PCDHGA6: variants seen among roughly 807,000 people sequenced by gnomAD.
PCDHGA6 encodes the protein protocadherin gamma-A6.
PCDHGA6 carries 41 observed loss-of-function variants against 60.6 expected under a neutral mutation model. The ratio of observed to expected loss-of-function variants is 0.68; its 90% CI spans 0.53 to 0.88. The LOEUF (loss-of-function observed/expected upper bound fraction) is 0.88. PCDHGA6 is among the 40% of genes least tolerant of loss of function. PCDHGA6 has a pLI of 0.00. For missense variants in PCDHGA6, 1,312 were observed against 1,203.0 expected, an observed-to-expected ratio of 1.09 and a Z score of -1.34; for synonymous variants, 594 against 524.4, an observed-to-expected ratio of 1.13 and a Z score of -1.81.
At chr5:141,408,329 A>C (rs2095085203) in intron 1 of PCDHGA6, 1 of 1,613,580 alleles carries the variant, frequency 6.2e-7, no homozygotes, top group Non-Finnish European at 8.5e-7. Context: ...GGAGCTGGCC[A>C]AGGGCTCGGT....
intron 1 of PCDHGA6, chr5:141,426,871 A>G (rs887250057): frequency 2.2e-6 from 1 of 456,722 alleles, no homozygotes; most frequent in Non-Finnish European, 4.4e-6. Flanking sequence ...GTGCTGGAGA[A>G]GCCCCTGGGC....
rs371995922 is a variant in PCDHGA6 at position 141,395,132 on chromosome 5, C to T, written c.2424+18625C>T. ...AGAGTCACCTGATCTTTCCCCAGCC[C>T]AACTACGCAGACATGCTCATCAGTC... On this transcript the variant is annotated intron_variant, in intron 1 of 3. Transcript: ENST00000517434. 8.7e-6 allele frequency: 14 copies of T among 1,614,068 alleles called. No homozygotes were observed. The African/African-American group carries it at 1.6e-4, about 18-fold the overall frequency.
intron 1 of PCDHGA6, chr5:141,415,176 C>T: frequency 6.2e-7 from 1 of 1,613,934 alleles, no homozygotes; most frequent in Non-Finnish European, 8.5e-7. Context: ...TCACCGTGGC[C>T]GTGGCCGACA....
chr5:141,412,559 G>C (rs1408913988), intron 1 of PCDHGA6: 2 of 152,100 alleles, frequency 1.3e-5, no homozygotes, highest in African/African-American at 4.8e-5. Context: ...TATCTCATGA[G>C]TTTATTTAAT....
chr5:141,422,226 G>A (rs766346054), intron 1 of PCDHGA6: 1 of 1,565,844 alleles, frequency 6.4e-7, no homozygotes, highest in East Asian at 2.2e-5. Flanking sequence ...CCACCACGAC[G>A]ATGTTGATCA....
At chr5:141,384,795 G>C (rs763067876) in intron 1 of PCDHGA6, 1 of 1,613,482 alleles carries the variant, frequency 6.2e-7, no homozygotes, top group South Asian at 1.1e-5. Context: ...CTCGGGCCCT[G>C]CTGGACAGAG....
chr5:141,417,112 G>T (rs1399534957), intron 1 of PCDHGA6: 3 of 152,030 alleles, frequency 2.0e-5, no homozygotes, highest in African/African-American at 7.3e-5. Flanking sequence ...AGCAATACAG[G>T]ACACCCTGGA....
At chr5:141,472,022 T>C (rs949257396) in intron 1 of PCDHGA6, among the ~76,000 whole-genome samples, 1 of 152,176 alleles carries the variant, frequency 6.6e-6, no homozygotes, top group Non-Finnish European at 1.5e-5. Flanking sequence ...CTATATTGTA[T>C]GTAGAAAGCT....
chr5:141,398,367 G>A, intron 1 of PCDHGA6: 1 of 1,430,476 alleles, frequency 7.0e-7, no homozygotes, highest in Non-Finnish European at 9.7e-7. Context: ...TGAGCGCAGA[G>A]AGCGGGGAGT....
chr5:141,403,592 G>A (rs779516418), intron 1 of PCDHGA6: 1 of 1,613,850 alleles, frequency 6.2e-7, no homozygotes, highest in Non-Finnish European at 8.5e-7. Flanking sequence ...GGTCCTCACG[G>A]CCTCGGATGG....
chr5:141,384,606 A>G (rs770325322), intron 1 of PCDHGA6: 1 of 1,614,152 alleles, frequency 6.2e-7, no homozygotes, highest in Admixed American at 1.7e-5. Context: ...CCCTCCCCAC[A>G]GATGGTTCTA....
chr5:141,428,307 C>A, intron 1 of PCDHGA6: 1 of 688,030 alleles, frequency 1.5e-6, no homozygotes, highest in South Asian at 1.6e-5. Flanking sequence ...TTTACCTGGT[C>A]GTGGCCTTGG....
chr5:141,508,904 T>C (rs1421450229), intron 3 of PCDHGA6, among the ~76,000 whole-genome samples: 2 of 151,336 alleles, frequency 1.3e-5, no homozygotes, highest in African/African-American at 4.9e-5. Context: ...GGCGGGGCGG[T>C]GGCGGATCTG....
At chr5:141,500,991 C>T (rs2099804636) in intron 2 of PCDHGA6, among the ~76,000 whole-genome samples, 1 of 152,024 alleles carries the variant, frequency 6.6e-6, no homozygotes, top group South Asian at 2.1e-4. Flanking sequence ...GCCTCAGCCT[C>T]CTGAGTAGCT....
At chr5:141,379,171 A>G (rs1561582641) in intron 1 of PCDHGA6, 1 of 152,248 alleles carries the variant, frequency 6.6e-6, no homozygotes, top group Non-Finnish European at 1.5e-5. Flanking sequence ...GTCTTCTTAA[A>G]GATAACATTG....
At chr5:141,508,983 C>T (rs532410967) in intron 3 of PCDHGA6, among the ~76,000 whole-genome samples, 44 of 152,148 alleles carry the variant, frequency 2.9e-4, no homozygotes, top group Non-Finnish European at 4.4e-4. Flanking sequence ...GGGGTGGGGG[C>T]CAGCTGGGGT....
intron 1 of PCDHGA6, chr5:141,399,969 C>T (rs1371912218): frequency 1.2e-6 from 2 of 1,612,194 alleles, no homozygotes; most frequent in South Asian, 2.2e-5. Context: ...GGCTCTTCAG[C>T]CTGGGGCTGC....
In PCDHGA6 at chr5:141,490,084, G is replaced by A. The variant is rs772917260; in HGVS notation, c.2425-4723G>A. The A allele has an allele frequency of 4.3e-6, 7 of 1,614,104 alleles. No individual in the cohort carries two copies. ...CAACGGCCAACTAGACTATTCTTTT[G>A]GAGACCACACATCTGAGGCAGTGCG... On this transcript the variant is annotated intron_variant, in intron 1 of 3. Transcript: ENST00000517434. The surrounding 1 kb of genome is among the most constrained non-coding windows in gnomAD (Gnocchi z 5.4).
At chr5:141,399,183 T>A (rs777520935) in intron 1 of PCDHGA6, 4 of 1,613,764 alleles carry the variant, frequency 2.5e-6, no homozygotes, top group Non-Finnish European at 3.4e-6. Context: ...TTGAAATGAT[T>A]CTGGAAAACG....
Sources: gnomAD v4.1 joint callset for allele counts (sites outside exome capture counted in the v4.1 genomes callset) on GRCh38, gnomAD v4.1.1 for gene constraint, Gnocchi (gnomAD v3.1) non-coding constraint, MANE v1.5 for transcripts, NCBI Gene and HGNC (gene_info 2026-07-23, HGNC 2026-07-21) for gene names.